LPCAT1: variants seen among roughly 807,000 people sequenced by gnomAD.
LPCAT1 encodes the protein lysophosphatidylcholine acyltransferase 1.
LPCAT1 carries 23 observed loss-of-function variants against 60.9 expected under a neutral mutation model. That is an observed-to-expected ratio of 0.38 (90% confidence interval 0.27 to 0.53). The LOEUF (loss-of-function observed/expected upper bound fraction) is 0.53, where lower values mean the gene tolerates loss of function less well. LPCAT1 is among the 20% of genes least tolerant of loss of function. The pLI, the probability that LPCAT1 is intolerant of heterozygous loss-of-function variation, is 0.82. For missense variants in LPCAT1, 622 were observed against 723.6 expected (o/e 0.86, Z 1.61); for synonymous variants, 340 against 301.1 (o/e 1.13, Z -1.34).
intron 12 of LPCAT1, among the ~76,000 whole-genome samples, chr5:1,470,203 G>C (rs1270617544): frequency 1.3e-5 from 2 of 152,246 alleles, no homozygotes; most frequent in East Asian, 1.9e-4. Flanking sequence ...CTCTATCCCA[G>C]ATGAAATCCA....
At chr5:1,494,415 G>T (rs1053352092) in intron 3 of LPCAT1, among the ~76,000 whole-genome samples, 3 of 133,168 alleles carry the variant, frequency 2.3e-5, no homozygotes, top group Admixed American at 2.2e-4. Flanking sequence ...GCAGCGTGGT[G>T]GGGGGGGGGT....
At position 1,523,735 on chromosome 5, in the gene LPCAT1, C is replaced by T. The variant is rs991976777; in HGVS notation, c.110G>A (p.Arg37His). The change falls in exon 1 of 14, where the codon CGC becomes CAC. Residue 37 changes from arginine (R) to histidine (H), a missense_variant. Around this residue, in one of 3 missense-constraint regions of LPCAT1, gnomAD observed 125 missense variants for 114.5 expected, o/e 1.09. Transcript: ENST00000283415. The surrounding 1 kb of genome is among the most constrained non-coding windows in gnomAD (Gnocchi z 7.1). ...CTGGGCCTTCTGCAGGGCGCTGAGG[C>T]GCAGCTCGTGCACGAAGGGGTTCCG... Reference protein sequence around the residue: ...PGRNPFVHELRLSALQKAQVA... With the variant: ...PGRNPFVHELHLSALQKAQVA... The T allele has an allele frequency of 8.5e-6, 10 of 1,175,396 alleles. No individual in the cohort carries two copies. The highest frequency in any genetic ancestry group is 8.3e-5 in the African/African-American group (5 of 60,300). The allele number at this position is 1,175,396 out of a possible 1,614,324, so 72.8% of individuals were successfully genotyped here. A position where few individuals can be genotyped will look rare whatever the true frequency, so the allele number is the denominator to read the frequency against.
At position 1,513,684 on chromosome 5, in the gene LPCAT1, G is replaced by A. The variant is rs10061218; in HGVS notation, c.135+10026C>T. On this transcript the variant is annotated intron_variant, in intron 1 of 13. Transcript: ENST00000283415. Reference sequence around the variant, plus strand: ...TTCCACAGGCTCTCACCCGTGGGGCGGGACACCCTGCGATTACATTTCCTC... The same window carrying A: ...TTCCACAGGCTCTCACCCGTGGGGCAGGACACCCTGCGATTACATTTCCTC... 3.0e-4 allele frequency among the ~76,000 whole-genome samples: 43 copies of A among 144,480 alleles called. No individual in the cohort carries two copies. In the South Asian group the frequency reaches 6.5e-3, roughly 22 times the overall value. The allele number at this position is 144,480 out of a possible 152,430, so 94.8% of individuals were successfully genotyped here.
intron 2 of LPCAT1, among the ~76,000 whole-genome samples, chr5:1,498,525 T>G (rs1272426743): frequency 6.6e-6 from 1 of 152,018 alleles, no homozygotes; most frequent in Non-Finnish European, 1.5e-5. Context: ...TCATATATAC[T>G]CACATGCACA....
chr5:1,516,709 T>G (rs2126622458), intron 1 of LPCAT1, among the ~76,000 whole-genome samples: 1 of 151,928 alleles, frequency 6.6e-6, no homozygotes, highest in East Asian at 1.9e-4. Context: ...AAGAGGGAAG[T>G]GTGAAATTCA....
intron 9 of LPCAT1, among the ~76,000 whole-genome samples, 157 bp from the exon 10 acceptor site, chr5:1,474,842 G>A (rs1415283445): frequency 2.6e-5 from 4 of 152,232 alleles, no homozygotes; most frequent in African/African-American, 9.6e-5. Flanking sequence ...CACATTCATC[G>A]ATCAGCTTCA....
chr5:1,491,318 G>C (rs1399810115), intron 3 of LPCAT1, among the ~76,000 whole-genome samples: 3 of 106,774 alleles, frequency 2.8e-5, no homozygotes, highest in Non-Finnish European at 6.8e-5. Flanking sequence ...TTTGGCCAAA[G>C]CGTCCCATGG....
chr5:1,500,171 A>T (rs1735953218), intron 2 of LPCAT1, among the ~76,000 whole-genome samples: 1 of 152,268 alleles, frequency 6.6e-6, no homozygotes, highest in African/African-American at 2.4e-5. Context: ...TTCTGAATAA[A>T]AGATTCAGGG....
chr5:1,490,166 G>C (rs1735521124), intron 3 of LPCAT1, among the ~76,000 whole-genome samples: 1 of 152,254 alleles, frequency 6.6e-6, no homozygotes, highest in South Asian at 2.1e-4. Context: ...CCAGGAAGCA[G>C]AAAGTCTTTA....
intron 5 of LPCAT1, among the ~76,000 whole-genome samples, chr5:1,484,392 GT>G (rs570269633): frequency 1.3e-5 from 2 of 152,140 alleles, no homozygotes; most frequent in East Asian, 1.9e-4. Flanking sequence ...TATTGAAAGA[GT>G]TTTTTTTTAA....
At chr5:1,518,780 G>A (rs1401336095) in intron 1 of LPCAT1, among the ~76,000 whole-genome samples, 4 of 152,238 alleles carry the variant, frequency 2.6e-5, no homozygotes, top group Non-Finnish European at 5.9e-5. Flanking sequence ...TGACGATAGG[G>A]GGCCGGACCC....
Position 1,502,478 on chromosome 5 carries a change from T to A in LPCAT1, c.136-875A>T, listed in dbSNP as rs1736052776. ...CAATGGAAGACCCGGCGCAGGAGAG[T>A]GAACTGGCGGGAGGGCAGGGGCGCA... On this transcript the variant is annotated intron_variant, in intron 1 of 13. Coordinates refer to ENST00000283415, the MANE Select transcript of LPCAT1 (RefSeq NM_024830.5). This position sits in a 1 kb window ranked among gnomAD's most constrained non-coding sequence, Gnocchi z 5.5. 6.7e-6 allele frequency among the ~76,000 whole-genome samples: 1 copy of A among 148,964 alleles called. No homozygotes were observed. The highest frequency in any genetic ancestry group is 2.5e-5 in the African/African-American group (1 of 40,176).
intron 1 of LPCAT1, among the ~76,000 whole-genome samples, chr5:1,515,874 C>G (rs1736492911): frequency 6.6e-6 from 1 of 152,254 alleles, no homozygotes; most frequent in East Asian, 1.9e-4. Flanking sequence ...CTATGGGAGA[C>G]CCTCCACCCA....
intron 13 of LPCAT1, among the ~76,000 whole-genome samples, chr5:1,465,031 C>A (rs1734294154): frequency 8.6e-6 from 1 of 116,022 alleles, no homozygotes; most frequent in Non-Finnish European, 2.1e-5. Context: ...CAAGCGCAGG[C>A]ACACTAAACA....
In LPCAT1 at chr5:1,481,771, T is replaced by C. The variant is rs936641873; in HGVS notation, c.727-795A>G. ...CCGCAGCGGAGGCAGGAAGGGGCCC[T>C]TGGCCAGGAGCCTGGCTGACAAACG... is the stretch of plus-strand genomic sequence containing the variant. On this transcript the variant is annotated intron_variant, in intron 6 of 13. Transcript: ENST00000283415. The surrounding 1 kb of genome is among the most constrained non-coding windows in gnomAD (Gnocchi z 7.8). Among the ~76,000 whole-genome samples the C allele has an allele frequency of 6.6e-6, 1 of 152,264 alleles. No homozygotes were observed. The highest frequency in any genetic ancestry group is 2.4e-5 in the African/African-American group (1 of 41,476).
Position 1,495,042 on chromosome 5 carries a change from C to CCGACCCGGCGGGACT in LPCAT1, c.279-129_279-128insAGTCCCGCCGGGTCG. ...CAGGCCACGGGCTTCCTGTGGTCGC[C>CCGACCCGGCGGGACT]GCCGCTGGGACATCTGCTTGAGGGA... On this transcript the variant is annotated intron_variant, in intron 2 of 13. Coordinates refer to ENST00000283415, the MANE Select transcript of LPCAT1 (RefSeq NM_024830.5). This position sits in a 1 kb window ranked among gnomAD's most constrained non-coding sequence, Gnocchi z 4.7. The CCGACCCGGCGGGACT allele has an allele frequency of 1.2e-6, 1 of 800,602 alleles. No homozygotes were observed. The highest frequency in any genetic ancestry group is 1.9e-6 in the Non-Finnish European group (1 of 515,616). 49.6% of individuals were successfully genotyped at this position (800,602 alleles called of 1,614,324 possible).
chr5:1,488,738 C>T (rs1386445531), intron 4 of LPCAT1, among the ~76,000 whole-genome samples: 1 of 152,244 alleles, frequency 6.6e-6, no homozygotes, highest in Non-Finnish European at 1.5e-5. Flanking sequence ...ACCTCTCAGA[C>T]ACTGTGAGAA....
chr5:1,518,128 T>C (rs1434967859), intron 1 of LPCAT1, among the ~76,000 whole-genome samples: 1 of 152,232 alleles, frequency 6.6e-6, no homozygotes, highest in Non-Finnish European at 1.5e-5. Flanking sequence ...CACCCACTCC[T>C]GACCCTGGGT....
At chr5:1,510,170 C>T (rs1266374827) in intron 1 of LPCAT1, among the ~76,000 whole-genome samples, 1 of 152,152 alleles carries the variant, frequency 6.6e-6, no homozygotes, top group Non-Finnish European at 1.5e-5. Context: ...GCTTTTCACC[C>T]CCACCCCGTG....
Sources: allele counts gnomAD v4.1 joint callset (sites outside exome capture counted in the v4.1 genomes callset), GRCh38; gene constraint gnomAD v4.1.1; regional missense constraint gnomAD v4.1.1; non-coding constraint Gnocchi (gnomAD v3.1); transcripts MANE v1.5; gene names NCBI Gene and HGNC (gene_info 2026-07-23, HGNC 2026-07-21).